Variants in GRIK1 observed in about 807,000 individuals in gnomAD.
GRIK1 encodes glutamate ionotropic receptor kainate type subunit 1, also known as glutamate receptor ionotropic, kainate 1.
Under a neutral mutation model 105.7 loss-of-function variants are expected in GRIK1, and 69 were observed. That is an observed-to-expected ratio of 0.65 (90% CI 0.54 to 0.80). GRIK1 has a LOEUF of 0.80. GRIK1 is among the 30% of genes least tolerant of loss of function. The pLI is 0.00. For synonymous variants in GRIK1, 438 were observed against 431.3 expected (o/e 1.02, Z -0.19); for missense variants, 1,109 against 1,167.3 (o/e 0.95, Z 0.73).
intron 7 of GRIK1, among the ~76,000 whole-genome samples, chr21:29,613,909 G>A (rs363445): frequency 0.047 from 7,204 of 152,156 alleles, 250 homozygotes; most frequent in Non-Finnish European, 0.072. Context: ...ATGGGAAAAT[G>A]GTTTTTAATA....
Position 29,560,396 on chromosome 21 carries a change from CCTTCCTTTCTTT to C in GRIK1, c.2356+1216_2356+1227del, listed in dbSNP as rs1264531872. Among the ~76,000 whole-genome samples the C allele has an allele frequency of 4.6e-4, 28 of 60,320 alleles. 3 individuals are homozygous for C. Among genetic ancestry groups the C allele is most frequent in the African/African-American group, 2.2e-3 (22 of 9,880 alleles). The allele number at this position is 60,320 out of a possible 152,430, so 39.6% of individuals were successfully genotyped here. On this transcript the variant is annotated intron_variant, in intron 15 of 17. Transcript: ENST00000327783. ...TCCTTCCTTCCTTCCTTCCTTCCTT[CCTTCCTTTCTTT>C]CTTTCTTTCTTTCTTTCTTTCTTTC...
chr21:29,614,402 CTTTTTTTTTTT>C (rs35063316), intron 7 of GRIK1, among the ~76,000 whole-genome samples: 37 of 83,088 alleles, frequency 4.5e-4, no homozygotes, highest in South Asian at 2.0e-3. Flanking sequence ...TAAAATCCCT[CTTTTTTTTTTT>C]TTTTTTTTTT....
At chr21:29,933,063 ATACCT>A (rs1364684689) in intron 1 of GRIK1, among the ~76,000 whole-genome samples, 1 of 152,154 alleles carries the variant, frequency 6.6e-6, no homozygotes, top group African/African-American at 2.4e-5. Flanking sequence ...ACATCTAAGT[ATACCT>A]TTTTTAAAGA....
intron 1 of GRIK1, among the ~76,000 whole-genome samples, chr21:29,890,747 A>T (rs988854066): frequency 6.6e-6 from 1 of 152,156 alleles, no homozygotes; most frequent in African/African-American, 2.4e-5. Context: ...ACCCAATATA[A>T]GTGACACATA....
chr21:29,588,709 C>T (rs908931071), intron 11 of GRIK1, 130 bp downstream of exon 11: 2 of 625,740 alleles, frequency 3.2e-6, no homozygotes, highest in Admixed American at 2.9e-5. Context: ...CATTTCCAGG[C>T]TGTTTTACTT....
At chr21:29,820,364 T>C (rs2067268676) in intron 1 of GRIK1, among the ~76,000 whole-genome samples, 2 of 152,102 alleles carry the variant, frequency 1.3e-5, no homozygotes, top group Admixed American at 1.3e-4. Context: ...TTTCTTGACC[T>C]ATCAGCAGCA....
At chr21:29,638,824 C>T (rs987103474) in intron 7 of GRIK1, among the ~76,000 whole-genome samples, 1 of 152,158 alleles carries the variant, frequency 6.6e-6, no homozygotes, top group African/African-American at 2.4e-5. Context: ...TGGTAGCTAT[C>T]CTTCATTAAA....
At chr21:29,834,610 T>C (rs1026715130) in intron 1 of GRIK1, among the ~76,000 whole-genome samples, 1 of 151,032 alleles carries the variant, frequency 6.6e-6, no homozygotes, top group African/African-American at 2.4e-5. Context: ...ATCATGGCTC[T>C]GGCAGCATAC....
At chr21:29,578,209 C>A (rs1011178985) in intron 13 of GRIK1, among the ~76,000 whole-genome samples, 8 of 152,150 alleles carry the variant, frequency 5.3e-5, no homozygotes, top group African/African-American at 1.9e-4. Context: ...CTCCATGAAC[C>A]TGAAGGCATG....
chr21:29,790,887 T>A (rs372884895), intron 1 of GRIK1, among the ~76,000 whole-genome samples: 3 of 152,110 alleles, frequency 2.0e-5, no homozygotes, highest in African/African-American at 7.2e-5. Flanking sequence ...CCAGGTGGGG[T>A]GATGGATTCT....
intron 1 of GRIK1, among the ~76,000 whole-genome samples, chr21:29,865,305 T>TC (rs57829449): frequency 1 from 152,350 of 152,352 alleles, 76,174 homozygotes; most frequent in Middle Eastern, 1. Context: ...ATTTCTCACA[T>TC]CCCACTCCAA....
intron 1 of GRIK1, among the ~76,000 whole-genome samples, chr21:29,835,904 A>C (rs1200794831): frequency 6.6e-6 from 1 of 152,230 alleles, no homozygotes; most frequent in Non-Finnish European, 1.5e-5. Flanking sequence ...GGCTTAAAGT[A>C]ACCTGTTCCT....
chr21:29,709,593 A>AT (rs1000358835), intron 1 of GRIK1, among the ~76,000 whole-genome samples: 1 of 151,904 alleles, frequency 6.6e-6, no homozygotes, highest in Non-Finnish European at 1.5e-5. Context: ...ATGGGGAAAT[A>AT]TTTTTTTAAA....
At chr21:29,565,712 G>T (rs530055182) in intron 14 of GRIK1, among the ~76,000 whole-genome samples, 1 of 152,178 alleles carries the variant, frequency 6.6e-6, no homozygotes, top group Non-Finnish European at 1.5e-5. Flanking sequence ...GGGATTATAG[G>T]CATGAGCCAC....
At chr21:29,565,909 G>A (rs1338312695) in intron 14 of GRIK1, among the ~76,000 whole-genome samples, 2 of 152,206 alleles carry the variant, frequency 1.3e-5, no homozygotes, top group South Asian at 2.1e-4. Flanking sequence ...GTGGCAGAGG[G>A]TTAGTGGAAG....
chr21:29,804,084 C>A (rs1049948148), intron 1 of GRIK1, among the ~76,000 whole-genome samples: 1 of 152,092 alleles, frequency 6.6e-6, no homozygotes, highest in African/African-American at 2.4e-5. Context: ...GATGTCTTGA[C>A]CCCATCGTTT....
chr21:29,638,114 T>C lies in GRIK1; in HGVS notation c.1098+4712A>G, dbSNP rs138549473. On this transcript the variant is annotated intron_variant, in intron 7 of 17. Coordinates refer to ENST00000327783, the MANE Select transcript of GRIK1 (RefSeq NM_001330994.2). ...CAATATACTTAATGTTTCCTAGGTG[T>C]TGCCTTATTTTTCCTGACCACTACC... Among the ~76,000 whole-genome samples, 30 of 152,284 alleles carry C rather than the reference T, an allele frequency of 2.0e-4. No homozygotes were observed. The East Asian group carries it at 5.4e-3, about 27-fold the overall frequency.
chr21:29,694,375 C>G (rs1004628504), intron 1 of GRIK1, among the ~76,000 whole-genome samples: 4 of 152,114 alleles, frequency 2.6e-5, no homozygotes, highest in African/African-American at 9.6e-5. Flanking sequence ...CCACCCGCCT[C>G]GACCTCCCAA....
intron 7 of GRIK1, among the ~76,000 whole-genome samples, chr21:29,638,617 A>G (rs1475680997): frequency 6.6e-6 from 1 of 152,226 alleles, no homozygotes; most frequent in African/African-American, 2.4e-5. Context: ...AAGAAACATA[A>G]ATATTTATGC....
Sources: allele counts gnomAD v4.1 joint callset (sites outside exome capture counted in the v4.1 genomes callset), GRCh38; gene constraint gnomAD v4.1.1; transcripts MANE v1.5; gene names NCBI Gene and HGNC (gene_info 2026-07-23, HGNC 2026-07-21).